The following TMEM108 variants were observed in gnomAD, a reference collection of about 807,000 sequenced individuals.
The protein encoded by TMEM108 is transmembrane protein 108.
In TMEM108, 12 loss-of-function variants were observed where a neutral mutation model predicts 35.1. The ratio of observed to expected loss-of-function variants is 0.34; its 90% CI spans 0.22 to 0.55. The LOEUF (loss-of-function observed/expected upper bound fraction) is 0.55. Among genes scored for constraint, TMEM108 ranks in the 20% least tolerant of loss-of-function variants. TMEM108 has a pLI of 0.89. For synonymous variants in TMEM108, 287 were observed against 308.6 expected (o/e 0.93, Z 0.73); for missense variants, 680 against 753.3 (o/e 0.90, Z 1.14).
intron 2 of TMEM108, among the ~76,000 whole-genome samples, chr3:133,165,887 A>G (rs975448730): frequency 1.3e-4 from 20 of 152,356 alleles, no homozygotes; most frequent in Non-Finnish European, 2.4e-4. Flanking sequence ...TTAACATTTA[A>G]ATATATTACA....
At position 133,374,881 on chromosome 3, in the gene TMEM108, C is replaced by T. The variant is rs140181691; in HGVS notation, c.41-4871C>T. Among the ~76,000 whole-genome samples, 18 of 152,268 alleles carry T rather than the reference C, an allele frequency of 1.2e-4. No individual in the cohort carries two copies. The East Asian group carries it at 3.3e-3, about 28-fold the overall frequency. On this transcript the variant is annotated intron_variant, in intron 3 of 5. Coordinates refer to ENST00000321871, the MANE Select transcript of TMEM108 (RefSeq NM_023943.4). ...GATGTGAATCATTGCTTTTGAATGG[C>T]AGAGCCCCCTGGGGAGATGGGTAGA...
At chr3:133,114,092 A>G (rs1483895603) in intron 2 of TMEM108, among the ~76,000 whole-genome samples, 2 of 152,206 alleles carry the variant, frequency 1.3e-5, no homozygotes, top group Non-Finnish European at 2.9e-5. Context: ...GCTGTTTACA[A>G]CAAGTGAAAT....
intron 2 of TMEM108, among the ~76,000 whole-genome samples, chr3:133,104,234 C>A (rs1159217875): frequency 6.6e-6 from 1 of 152,098 alleles, no homozygotes; most frequent in African/African-American, 2.4e-5. Context: ...TTAAGCATAG[C>A]AAATTATAGG....
chr3:133,142,488 G>T (rs1057132351), intron 2 of TMEM108, among the ~76,000 whole-genome samples: 1 of 152,158 alleles, frequency 6.6e-6, no homozygotes, highest in African/African-American at 2.4e-5. Flanking sequence ...TACCTGCTCA[G>T]GGTGGATGTG....
intron 3 of TMEM108, among the ~76,000 whole-genome samples, chr3:133,304,477 T>C (rs1366010827): frequency 6.6e-6 from 1 of 152,090 alleles, no homozygotes; most frequent in Non-Finnish European, 1.5e-5. Flanking sequence ...CCAAAAAGTT[T>C]CTTTATTGTG....
intron 2 of TMEM108, among the ~76,000 whole-genome samples, chr3:133,100,042 C>A (rs1022131405): frequency 6.6e-6 from 1 of 152,102 alleles, no homozygotes; most frequent in African/African-American, 2.4e-5. Flanking sequence ...AAACTGGGAA[C>A]AAAGAGACGT....
intron 3 of TMEM108, among the ~76,000 whole-genome samples, chr3:133,324,334 C>A (rs372351080): frequency 6.6e-6 from 1 of 151,990 alleles, no homozygotes; most frequent in Non-Finnish European, 1.5e-5. Context: ...AAGAAAAAAA[C>A]AATCCCATCA....
intron 2 of TMEM108, among the ~76,000 whole-genome samples, chr3:133,117,513 C>T (rs1944302039): frequency 6.6e-6 from 1 of 152,168 alleles, no homozygotes; most frequent in Non-Finnish European, 1.5e-5. Context: ...CAGATCATTG[C>T]ATTAGGAGCT....
In TMEM108 at chr3:133,390,424, C is replaced by T. The variant is rs1335797496; in HGVS notation, c.1605+90C>T. Reference sequence around the variant, plus strand: ...TCTGCTCATTTCTGAGTGCCTTGCTCCTTAACGTATGGCCCATGGACCAGC... The same window carrying T: ...TCTGCTCATTTCTGAGTGCCTTGCTTCTTAACGTATGGCCCATGGACCAGC... On this transcript the variant is annotated intron_variant, in intron 5 of 5. Transcript: ENST00000321871. 2.8e-5 allele frequency: 41 copies of T among 1,445,552 alleles called. No individual in the cohort carries two copies. In the East Asian group the frequency reaches 8.6e-4, roughly 30 times the overall value. The allele number at this position is 1,445,552 out of a possible 1,614,324, so 89.5% of individuals were successfully genotyped here.
intron 3 of TMEM108, among the ~76,000 whole-genome samples, chr3:133,377,407 C>T (rs1362792876): frequency 1.3e-5 from 2 of 152,174 alleles, no homozygotes; most frequent in African/African-American, 4.8e-5. Flanking sequence ...CAGAGCATAA[C>T]AGCACATTAA....
At chr3:133,336,328 C>G (rs2071501926) in intron 3 of TMEM108, among the ~76,000 whole-genome samples, 1 of 152,112 alleles carries the variant, frequency 6.6e-6, no homozygotes, top group Admixed American at 6.5e-5. Flanking sequence ...AAAAATGACC[C>G]CTTCCTTCCA....
intron 1 of TMEM108, among the ~76,000 whole-genome samples, chr3:133,040,202 G>GTTT (rs200928853): frequency 0.02 from 2,354 of 119,214 alleles, 40 homozygotes; most frequent in South Asian, 0.05. Context: ...TTGTTTGTTT[G>GTTT]TTTGTTTTTT....
intron 2 of TMEM108, among the ~76,000 whole-genome samples, chr3:133,171,764 G>A (rs1195422301): frequency 6.6e-6 from 1 of 152,176 alleles, no homozygotes; most frequent in Non-Finnish European, 1.5e-5. Context: ...TGTCTATTCA[G>A]TTACAGTTAT....
intron 2 of TMEM108, among the ~76,000 whole-genome samples, chr3:133,155,636 T>C (rs1249808461): frequency 2.6e-5 from 4 of 152,218 alleles, no homozygotes; most frequent in African/African-American, 9.6e-5. Flanking sequence ...ATATGCTTTT[T>C]GGCCACATGT....
chr3:133,125,849 T>C (rs946785153), intron 2 of TMEM108, among the ~76,000 whole-genome samples: 73 of 152,320 alleles, frequency 4.8e-4, no homozygotes, highest in African/African-American at 1.7e-3. Context: ...TTTGTGGTCA[T>C]GTAAAAGAAG....
intron 3 of TMEM108, among the ~76,000 whole-genome samples, chr3:133,300,693 T>C (rs1049558040): frequency 4.6e-5 from 7 of 152,026 alleles, no homozygotes; most frequent in Admixed American, 4.6e-4. Context: ...GGCTCTGGGC[T>C]ATAGGGATTG....
At chr3:133,261,694 G>T (rs190122084) in intron 3 of TMEM108, among the ~76,000 whole-genome samples, 1 of 152,170 alleles carries the variant, frequency 6.6e-6, no homozygotes, top group East Asian at 1.9e-4. Context: ...GTTGATGGAG[G>T]TTTGAAGCCC....
chr3:133,186,988 C>T (rs1367019994), intron 2 of TMEM108, among the ~76,000 whole-genome samples: 2 of 152,088 alleles, frequency 1.3e-5, no homozygotes, highest in East Asian at 3.9e-4. Context: ...AGTCACTTAA[C>T]CTTTACAGGC....
intron 2 of TMEM108, among the ~76,000 whole-genome samples, chr3:133,100,097 C>T (rs1944068242): frequency 1.3e-5 from 2 of 152,174 alleles, no homozygotes; most frequent in South Asian, 2.1e-4. Context: ...GCCTCAGAAT[C>T]ATGGCGGGAG....
Sources: allele counts gnomAD v4.1 joint callset (sites outside exome capture counted in the v4.1 genomes callset), GRCh38; gene constraint gnomAD v4.1.1; transcripts MANE v1.5; gene names NCBI Gene and HGNC (gene_info 2026-07-23, HGNC 2026-07-21).